SOD2: variants seen among roughly 807,000 people sequenced by gnomAD.
SOD2 encodes the protein superoxide dismutase [Mn], mitochondrial.
Under a neutral mutation model 27.0 loss-of-function variants are expected in SOD2, and 11 were observed. That is an observed-to-expected ratio of 0.41 (90% confidence interval 0.26 to 0.67). The LOEUF is 0.67. Ranked by LOEUF, SOD2 falls within the 30% of genes least tolerant of loss-of-function variation. SOD2 has a pLI of 0.34. For missense variants in SOD2, 250 were observed against 274.5 expected, an observed-to-expected ratio of 0.91 and a Z score of 0.63; for synonymous variants, 105 against 103.0, an observed-to-expected ratio of 1.02 and a Z score of -0.12.
chr6:159,728,693 T>G (rs1196112013), upstream of SOD2, among the ~76,000 whole-genome samples: 1 of 152,250 alleles, frequency 6.6e-6, no homozygotes, highest in Non-Finnish European at 1.5e-5. Context: ...GATGGATACA[T>G]TTTAATTCAT....
At chr6:159,709,300 A>C (rs1383519291) in intron 1 of SOD2, among the ~76,000 whole-genome samples, 1 of 151,508 alleles carries the variant, frequency 6.6e-6, no homozygotes. Flanking sequence ...TCTGCACAGC[A>C]AAAAAAACTA....
chr6:159,669,963 A>T lies in SOD2; in HGVS notation c.*12530T>A, dbSNP rs549362816. Reference sequence around the variant, plus strand: ...CCATTTACATTCAAAGTTATCATCAATAGAGGTGCAGACTTTTTAAACAAA... The same window carrying T: ...CCATTTACATTCAAAGTTATCATCATTAGAGGTGCAGACTTTTTAAACAAA... On this transcript the variant is annotated 3_prime_UTR_variant, in exon 5 of 5. Transcript: ENST00000538183. 6 of 152,194 alleles carry T rather than the reference A, an allele frequency of 3.9e-5. No homozygotes were observed. 9.4% of individuals were successfully genotyped at this position (152,194 alleles called of 1,614,324 possible).
intron 1 of SOD2, among the ~76,000 whole-genome samples, chr6:159,711,963 C>A (rs1398369442): frequency 1.7e-5 from 2 of 116,528 alleles, no homozygotes; most frequent in African/African-American, 6.4e-5. Flanking sequence ...ATCACCATAA[C>A]CACCTCCATA....
At chr6:159,682,773 A>G (rs937030504) in intron 4 of SOD2, 135 bp from the exon 5 acceptor site, 9 of 754,746 alleles carry the variant, frequency 1.2e-5, no homozygotes, top group African/African-American at 5.4e-5. Context: ...GTTTTTTTAT[A>G]TAAGTAGGAA....
chr6:159,682,923 A>G (rs1251472600), intron 4 of SOD2, among the ~76,000 whole-genome samples: 3 of 152,218 alleles, frequency 2.0e-5, no homozygotes, highest in Non-Finnish European at 1.5e-5. Context: ...ATACCAACAA[A>G]TTAATTCAAG....
intron 1 of SOD2, chr6:159,714,135 C>T (rs371444767): frequency 9.1e-5 from 46 of 506,378 alleles, no homozygotes; most frequent in East Asian, 7.8e-4. Context: ...CACATGAGCA[C>T]ACCGGCTTTA....
intron 1 of SOD2, among the ~76,000 whole-genome samples, chr6:159,701,272 GTGA>G (rs1055078532): frequency 2.0e-5 from 3 of 152,296 alleles, no homozygotes; most frequent in African/African-American, 7.2e-5. Context: ...CTAGAGGCCT[GTGA>G]TGAAGTTTTG....
intron 2 of SOD2, chr6:159,692,446 G>A (rs1777254180): frequency 3.6e-6 from 5 of 1,405,306 alleles, no homozygotes; most frequent in African/African-American, 2.9e-5. Context: ...CAAGTTCCCT[G>A]AGATGACAGA....
At chr6:159,745,866 T>C (rs1202782509), upstream of SOD2, among the ~76,000 whole-genome samples, 1 of 152,122 alleles carries the variant, frequency 6.6e-6, no homozygotes, top group Non-Finnish European at 1.5e-5. Context: ...GAATAGGTGT[T>C]TTGGAGGCAC....
rs1053376768 is a variant in SOD2 at position 159,681,229 on chromosome 6, A to G, written c.*1264T>C. ...GGAGAATCTTGAGTTTCCTTCACCGAAAACTCCAGGCACCCAGCTCGCCCC... is the reference window on the plus strand; with the variant it reads ...GGAGAATCTTGAGTTTCCTTCACCGGAAACTCCAGGCACCCAGCTCGCCCC... On this transcript the variant is annotated 3_prime_UTR_variant, in exon 5 of 5. Coordinates refer to ENST00000538183, the MANE Select transcript of SOD2 (RefSeq NM_000636.4). 6.6e-6 allele frequency: 1 copy of G among 152,150 alleles called. No individual in the cohort carries two copies. Among genetic ancestry groups the G allele is most frequent in the Non-Finnish European group, 1.5e-5 (1 of 68,036 alleles). 9.4% of individuals were successfully genotyped at this position (152,150 alleles called of 1,614,324 possible).
intron 1 of SOD2, among the ~76,000 whole-genome samples, chr6:159,719,187 AG>A (rs1777980810): frequency 6.6e-6 from 1 of 152,100 alleles, no homozygotes; most frequent in Non-Finnish European, 1.5e-5. Context: ...CCCTTATAAA[AG>A]GGACCCCATA....
intron 1 of SOD2, among the ~76,000 whole-genome samples, chr6:159,711,661 A>AG (rs1333792879): frequency 2.4e-5 from 1 of 41,750 alleles, no homozygotes; most frequent in Non-Finnish European, 4.7e-5. Flanking sequence ...ACCACCACTC[A>AG]CATTGCTCTG....
In SOD2 at chr6:159,670,563, A is replaced by T. The variant is rs1779633404; in HGVS notation, c.*11930T>A. On this transcript the variant is annotated 3_prime_UTR_variant, in exon 5 of 5. Transcript: ENST00000538183. ...TATCAATATCCATTTATCCTCTATA[A>T]TCATAGTCAATACACAGAGAAAACC... 6.6e-6 allele frequency: 1 copy of T among 152,242 alleles called. No homozygotes were observed. Among genetic ancestry groups the T allele is most frequent in the African/African-American group, 2.4e-5 (1 of 41,430 alleles). The allele number at this position is 152,242 out of a possible 1,614,324, so 9.4% of individuals were successfully genotyped here. A position where few individuals can be genotyped will look rare whatever the true frequency, so the allele number is the denominator to read the frequency against.
Position 159,756,594 on chromosome 6 carries a change from C to CTTTTTT in SOD2, c.-336+4437_-336+4442dup, listed in dbSNP as rs3066261. 3.8e-3 allele frequency among the ~76,000 whole-genome samples: 362 copies of CTTTTTT among 94,352 alleles called. 13 individuals are homozygous for CTTTTTT. Among genetic ancestry groups the CTTTTTT allele is most frequent in the South Asian group, 0.011 (26 of 2,432 alleles). 61.9% of individuals were successfully genotyped at this position (94,352 alleles called of 152,430 possible). On this transcript the variant is annotated intron_variant, in intron 1 of 7. Transcript: ENST00000546087. ...AGAAAATAGTCATCTATTTCTTAGG[C>CTTTTTT]TTTTTTTTTTTTTTTTTTTTTAATT...
At chr6:159,691,896 CCA>C (rs1407940348) in intron 2 of SOD2, 1 of 152,210 alleles carries the variant, frequency 6.6e-6, no homozygotes, top group Non-Finnish European at 1.5e-5. Flanking sequence ...CTGAACTGTT[CCA>C]CAGTTAGGTT....
chr6:159,705,837 G>A (rs1468198774), intron 1 of SOD2, among the ~76,000 whole-genome samples: 2 of 152,054 alleles, frequency 1.3e-5, no homozygotes, highest in Non-Finnish European at 2.9e-5. Flanking sequence ...AAGTTGAAAT[G>A]AAGGAAAAAA....
chr6:159,761,735 T>TC (rs1391678139), exon 1 of SOD2: 4 of 361,578 alleles, frequency 1.1e-5, no homozygotes, highest in Non-Finnish European at 2.2e-5. Context: ...GTCGGGGAAC[T>TC]CCAACATTGG....
upstream of SOD2, among the ~76,000 whole-genome samples, chr6:159,728,303 C>T (rs1295879933): frequency 6.6e-6 from 1 of 151,940 alleles, no homozygotes; most frequent in African/African-American, 2.4e-5. Flanking sequence ...AGTCTGTGTA[C>T]ACGTAATGGA....
chr6:159,759,366 A>G (rs1780077041), intron 1 of SOD2, among the ~76,000 whole-genome samples: 1 of 148,130 alleles, frequency 6.8e-6, no homozygotes, highest in African/African-American at 2.5e-5. Flanking sequence ...GCCAAGACAT[A>G]ATTTTAAAAA....
Sources: allele counts gnomAD v4.1 joint callset (sites outside exome capture counted in the v4.1 genomes callset), GRCh38; gene constraint gnomAD v4.1.1; transcripts MANE v1.5; gene names NCBI Gene and HGNC (gene_info 2026-07-23, HGNC 2026-07-21).